Variants in CAPRIN1 observed in about 807,000 individuals in gnomAD.
CAPRIN1 encodes the protein cell cycle associated protein 1.
CAPRIN1 carries 29 observed loss-of-function variants against 100.9 expected under a neutral mutation model. The observed-to-expected ratio is 0.29, with a 90% CI of 0.21 to 0.39. The LOEUF (loss-of-function observed/expected upper bound fraction) is 0.39. Among genes scored for constraint, CAPRIN1 ranks in the 10% least tolerant of loss-of-function variants. CAPRIN1 has a pLI of 1.00. For missense variants in CAPRIN1, 795 were observed against 876.7 expected (o/e 0.91, Z 1.18); for synonymous variants, 338 against 307.5 (o/e 1.10, Z -1.04).
chr11:34,099,106 A>G, intron 18 of CAPRIN1, 197 bp from the exon 19 acceptor site: 1 of 1,428,216 alleles, frequency 7.0e-7, no homozygotes, highest in Non-Finnish European at 9.1e-7. Context: ...CTCTTCTTTT[A>G]GCTAAGAGAA....
At chr11:34,085,399 T>C (rs1851118811) in intron 9 of CAPRIN1, among the ~76,000 whole-genome samples, 1 of 152,236 alleles carries the variant, frequency 6.6e-6, no homozygotes, top group Non-Finnish European at 1.5e-5. Context: ...GATAGATATA[T>C]ATTTGACATA....
At chr11:34,066,683 G>C (rs994722423) in intron 2 of CAPRIN1, among the ~76,000 whole-genome samples, 3 of 148,832 alleles carry the variant, frequency 2.0e-5, no homozygotes, top group African/African-American at 7.6e-5. Flanking sequence ...CTGTTGTCCA[G>C]GCTGGAGTGC....
chr11:34,054,898 G>A (rs1284639195), intron 2 of CAPRIN1, among the ~76,000 whole-genome samples: 10 of 152,066 alleles, frequency 6.6e-5, no homozygotes, highest in Admixed American at 6.5e-4. Flanking sequence ...TTAATGATTA[G>A]TGATATAAAG....
intron 15 of CAPRIN1, among the ~76,000 whole-genome samples, chr11:34,093,747 C>T (rs1395953593): frequency 6.6e-6 from 1 of 151,904 alleles, no homozygotes; most frequent in Non-Finnish European, 1.5e-5. Flanking sequence ...AGGGATCCTC[C>T]TACCTCAGTC....
Position 34,052,539 on chromosome 11 carries a change from A to C in CAPRIN1, c.119A>C (p.Gln40Pro), listed in dbSNP as rs1850345270. The change falls in exon 2 of 19, where the codon CAG (glutamine) becomes CCG (proline). Residue 40 changes from glutamine to proline, a missense_variant. By Grantham distance (76) the Gln-to-Pro change is moderately conservative. Coordinates refer to ENST00000341394, the MANE Select transcript of CAPRIN1 (RefSeq NM_005898.5). ...AGAGAAAPAS[Q>P]HPATGTGAVQ... is the part of the protein sequence containing the mutation. ...GCCGGGGCCGCCGCGCCGGCTTCTC[A>C]GCACCCCGCAACCGGCACCGGCGCT... The C allele has an allele frequency of 6.2e-7, 1 of 1,607,890 alleles. No homozygotes were observed. The highest frequency in any genetic ancestry group is 8.5e-7 in the Non-Finnish European group (1 of 1,178,014).
intron 2 of CAPRIN1, among the ~76,000 whole-genome samples, chr11:34,071,103 C>A (rs1161893864): frequency 6.6e-6 from 1 of 152,222 alleles, no homozygotes; most frequent in Non-Finnish European, 1.5e-5. Flanking sequence ...TGGGTATAAG[C>A]AGGATCCTAA....
At chr11:34,072,712 G>C (rs1041143293) in intron 4 of CAPRIN1, among the ~76,000 whole-genome samples, 1 of 152,138 alleles carries the variant, frequency 6.6e-6, no homozygotes, top group Non-Finnish European at 1.5e-5. Flanking sequence ...ATAATTTGTT[G>C]AGGCCAGAAA....
chr11:34,062,118 T>C (rs1850592916), intron 2 of CAPRIN1, among the ~76,000 whole-genome samples: 1 of 152,222 alleles, frequency 6.6e-6, no homozygotes, highest in Admixed American at 6.5e-5. Flanking sequence ...GTATGTTCTT[T>C]CTACCCTGCT....
intron 2 of CAPRIN1, chr11:34,056,521 A>ATT (rs1217447334): frequency 1.3e-5 from 2 of 152,174 alleles, no homozygotes; most frequent in Non-Finnish European, 2.9e-5. Flanking sequence ...AGCAAAGAGA[A>ATT]GAAATACAGC....
chr11:34,085,759 C>G (rs1307400015), intron 9 of CAPRIN1, among the ~76,000 whole-genome samples: 1 of 152,050 alleles, frequency 6.6e-6, no homozygotes, highest in Non-Finnish European at 1.5e-5. Flanking sequence ...AGTCGAGATC[C>G]CGCCACTGCT....
At chr11:34,080,666 T>C (rs538419804) in intron 7 of CAPRIN1, among the ~76,000 whole-genome samples, 2 of 152,340 alleles carry the variant, frequency 1.3e-5, no homozygotes, top group South Asian at 2.1e-4. Flanking sequence ...CAAGGAAACA[T>C]TGGAGCATAA....
intron 15 of CAPRIN1, 42 bp from the exon 16 acceptor site, chr11:34,096,437 T>A (rs1470808515): frequency 6.9e-7 from 1 of 1,451,688 alleles, no homozygotes; most frequent in Non-Finnish European, 9.6e-7. Flanking sequence ...CAAACGGTAA[T>A]GAGCTGTTTA....
In CAPRIN1 at chr11:34,072,317, A is replaced by T. The variant is rs111671138; in HGVS notation, c.366+330A>T. 9.1e-3 allele frequency among the ~76,000 whole-genome samples: 792 copies of T among 87,004 alleles called. 4 individuals are homozygous for T. The highest frequency in any genetic ancestry group is 0.016 in the Admixed American group (102 of 6,224). The allele number at this position is 87,004 out of a possible 152,430, so 57.1% of individuals were successfully genotyped here. ...GGCAACGTGATAAAACCCCATCTCTAAAAAAAAAAAAAAACATTAAATTTA... is the reference window on the plus strand; with the variant it reads ...GGCAACGTGATAAAACCCCATCTCTTAAAAAAAAAAAAAACATTAAATTTA... On this transcript the variant is annotated intron_variant, in intron 4 of 18. Coordinates refer to ENST00000341394, the MANE Select transcript of CAPRIN1 (RefSeq NM_005898.5).
At chr11:34,067,050 C>T (rs1021938805) in intron 2 of CAPRIN1, among the ~76,000 whole-genome samples, 2 of 151,858 alleles carry the variant, frequency 1.3e-5, no homozygotes, top group African/African-American at 4.8e-5. Flanking sequence ...GTGCCTCAGC[C>T]TCCTGAGTAG....
chr11:34,072,095 C>G, intron 4 of CAPRIN1, 108 bp downstream of exon 4: 1 of 653,878 alleles, frequency 1.5e-6, no homozygotes, highest in South Asian at 2.1e-5. Flanking sequence ...ACAGTTGTAT[C>G]CAATTATATC....
Position 34,071,738 on chromosome 11 carries a change from G to C in CAPRIN1, c.229G>C (p.Asp77His). The C allele has an allele frequency of 6.2e-7, 1 of 1,611,000 alleles. No individual in the cohort carries two copies. The highest frequency in any genetic ancestry group is 8.5e-7 in the Non-Finnish European group (1 of 1,177,374). ...TCTTTTAACATAGGGTAAGCTTGAT[G>C]ATTACCAGGAACGAATGAACAAAGG... ...NLEKKKGKLD[D>H]YQERMNKGER... The change falls in exon 3 of 19, where the codon GAT (aspartate) becomes CAT (histidine). Residue 77 changes from aspartate (D) to histidine (H), a missense_variant. Physicochemically the swap from Asp to His is moderately conservative, Grantham distance 81. This residue lies in a region of CAPRIN1 where 38 missense variants were observed against 92.3 expected (regional missense o/e 0.41). Transcript: ENST00000341394.
chr11:34,093,922 G>A (rs1266981158), intron 15 of CAPRIN1, among the ~76,000 whole-genome samples: 5 of 146,394 alleles, frequency 3.4e-5, no homozygotes, highest in Non-Finnish European at 3.0e-5. Flanking sequence ...CCTTCTTGCC[G>A]AAAACTTTCT....
rs1377441206 is a variant in CAPRIN1 at position 34,076,413 on chromosome 11, G to T, written c.544G>T (p.Glu182Ter). The T allele has an allele frequency of 6.2e-7, 1 of 1,614,220 alleles. No individual in the cohort carries two copies. Reference protein sequence around the residue: ...LNGVPILSEEELSLLDEFYKL... With the variant: ...LNGVPILSEE ...TGGAGTGCCAATATTGTCCGAAGAG[G>T]AGTTGTCATTGTTGGATGAATTCTA... The change falls in exon 5 of 19, where the codon GAG becomes TAG. Residue 182 changes from glutamate (E) to a stop codon, truncating the protein, a stop_gained. Coordinates refer to ENST00000341394, the MANE Select transcript of CAPRIN1 (RefSeq NM_005898.5). LOFTEE classifies it high-confidence loss of function.
At chr11:34,063,735 A>C (rs780040089) in intron 2 of CAPRIN1, among the ~76,000 whole-genome samples, 6 of 152,204 alleles carry the variant, frequency 3.9e-5, no homozygotes, top group Admixed American at 3.9e-4. Context: ...ATTGAATTTC[A>C]AGTTAGAAAG....
Sources: gnomAD v4.1 joint callset for allele counts (sites outside exome capture counted in the v4.1 genomes callset) on GRCh38, gnomAD v4.1.1 for gene constraint, gnomAD v4.1.1 regional missense constraint, MANE v1.5 for transcripts, NCBI Gene and HGNC (gene_info 2026-07-23, HGNC 2026-07-21) for gene names.